The following ATRNL1 variants were observed in gnomAD, a reference collection of about 807,000 sequenced individuals.
ATRNL1 encodes the protein attractin like 1, also known as attractin-like protein 1.
Under a neutral mutation model 182.7 loss-of-function variants are expected in ATRNL1, and 95 were observed. The ratio of observed to expected loss-of-function variants is 0.52; its 90% CI spans 0.44 to 0.62. The LOEUF (loss-of-function observed/expected upper bound fraction) is 0.62. Ranked by LOEUF, ATRNL1 falls within the 20% of genes least tolerant of loss-of-function variation. The pLI is 0.00. For synonymous variants in ATRNL1, 576 were observed against 568.3 expected (o/e 1.01, Z -0.19); for missense variants, 1,471 against 1,679.5 (o/e 0.88, Z 2.17).
chr10:115,344,814 A>T (rs544876016), intron 19 of ATRNL1, among the ~76,000 whole-genome samples: 3 of 152,292 alleles, frequency 2.0e-5, no homozygotes, highest in African/African-American at 7.2e-5. Flanking sequence ...GCTGCTGGTT[A>T]TTCAGGACCC....
rs67676674 is a variant in ATRNL1, at chr10:115,868,822, C to CTTTTTTTTTTTTTTTTTTTTTTTTTTTT, written c.4018+20856_4018+20857insTTTTTTTTTTTTTTTTTTTTTTTTTTTT. Reference sequence around the variant, plus strand: ...ATATATCTGGTGGCAAGTCTTTATTCTTTTTTTTTTTTTTTTTTTTTTTTT... The same window carrying CTTTTTTTTTTTTTTTTTTTTTTTTTTTT: ...ATATATCTGGTGGCAAGTCTTTATTCTTTTTTTTTTTTTTTTTTTTTTTTTTTTTTTTTTTTTTTTTTTTTTTTTTTTT... On this transcript the variant is annotated intron_variant, in intron 28 of 28. Coordinates refer to ENST00000355044, the MANE Select transcript of ATRNL1 (RefSeq NM_207303.4). 1.7e-4 allele frequency among the ~76,000 whole-genome samples: 10 copies of CTTTTTTTTTTTTTTTTTTTTTTTTTTTT among 58,092 alleles called. 2 individuals carry two copies. The highest frequency in any genetic ancestry group is 1.3e-3 in the South Asian group (1 of 780). The allele number at this position is 58,092 out of a possible 152,430, so 38.1% of individuals were successfully genotyped here. A position where few individuals can be genotyped will look rare whatever the true frequency, so the allele number is the denominator to read the frequency against.
chr10:115,589,188 T>G (rs782172214), intron 26 of ATRNL1, among the ~76,000 whole-genome samples: 11 of 152,186 alleles, frequency 7.2e-5, no homozygotes, highest in Non-Finnish European at 1.0e-4. Flanking sequence ...CAGATATTTT[T>G]GAATATTATT....
At chr10:115,727,616 T>G (rs2134061006) in intron 27 of ATRNL1, among the ~76,000 whole-genome samples, 2 of 152,286 alleles carry the variant, frequency 1.3e-5, no homozygotes, top group South Asian at 4.1e-4. Flanking sequence ...ACAGAGGAGC[T>G]GAGGGAATTT....
At chr10:115,652,934 A>G (rs74158206) in intron 26 of ATRNL1, among the ~76,000 whole-genome samples, 78 of 152,264 alleles carry the variant, frequency 5.1e-4, no homozygotes, top group African/African-American at 1.9e-3. Flanking sequence ...TTACTAATTT[A>G]TGTATTGTAA....
intron 8 of ATRNL1, among the ~76,000 whole-genome samples, chr10:115,183,428 T>C (rs1324763995): frequency 6.6e-6 from 1 of 151,298 alleles, no homozygotes; most frequent in African/African-American, 2.4e-5. Context: ...AGATTAATTT[T>C]TTTGAAAAAA....
intron 21 of ATRNL1, among the ~76,000 whole-genome samples, chr10:115,431,819 T>A (rs1846180359): frequency 6.6e-6 from 1 of 152,234 alleles, no homozygotes; most frequent in Non-Finnish European, 1.5e-5. Flanking sequence ...ATATCCTGGA[T>A]TTATTTTATA....
chr10:115,805,129 G>A (rs1256826509), intron 27 of ATRNL1, among the ~76,000 whole-genome samples: 10 of 152,170 alleles, frequency 6.6e-5, no homozygotes, highest in South Asian at 4.2e-4. Flanking sequence ...CCTCCTAATC[G>A]TAGAAGAAGC....
At chr10:115,681,384 A>G (rs1288875997) in intron 26 of ATRNL1, among the ~76,000 whole-genome samples, 1 of 152,084 alleles carries the variant, frequency 6.6e-6, no homozygotes, top group Non-Finnish European at 1.5e-5. Context: ...TTTATTTCTC[A>G]TAATAATCCA....
intron 8 of ATRNL1, among the ~76,000 whole-genome samples, chr10:115,178,547 T>G (rs1271991465): frequency 6.6e-6 from 1 of 152,184 alleles, no homozygotes; most frequent in African/African-American, 2.4e-5. Context: ...CATGCTACAA[T>G]TTGAATATGT....
intron 15 of ATRNL1, among the ~76,000 whole-genome samples, chr10:115,287,959 A>G (rs1554919627): frequency 9.2e-6 from 1 of 108,944 alleles, no homozygotes; most frequent in Non-Finnish European, 1.8e-5. Flanking sequence ...GCTTCCACTT[A>G]TGAATGAGAA....
At position 115,549,453 on chromosome 10, in the gene ATRNL1, T is replaced by G; in HGVS notation, c.3717-5T>G. ...AGCAAAAATTATTTGTGTTTTATTT[T>G]CCAGTTGTTTCCTATCCTTATTGCT... On this transcript the variant is annotated splice_region_variant and splice_polypyrimidine_tract_variant and intron_variant, in intron 25 of 28. Coordinates refer to ENST00000355044, the MANE Select transcript of ATRNL1 (RefSeq NM_207303.4). The G allele has an allele frequency of 6.3e-7, 1 of 1,585,928 alleles. No homozygotes were observed. Among genetic ancestry groups the G allele is most frequent in the East Asian group, 2.3e-5 (1 of 43,770 alleles).
chr10:115,745,335 C>T (rs2907541), intron 27 of ATRNL1, among the ~76,000 whole-genome samples: 144,601 of 152,152 alleles, frequency 0.95, 69,126 homozygotes, highest in East Asian at 1. Flanking sequence ...TAAGTTTATT[C>T]CATTGTATAT....
At chr10:115,768,662 A>G (rs952054527) in intron 27 of ATRNL1, among the ~76,000 whole-genome samples, 1 of 152,170 alleles carries the variant, frequency 6.6e-6, no homozygotes, top group African/African-American at 2.4e-5. Context: ...TTTACCTGAC[A>G]TTGCCAAGTA....
chr10:115,461,140 G>A (rs1477819645), intron 21 of ATRNL1, among the ~76,000 whole-genome samples: 4 of 151,980 alleles, frequency 2.6e-5, no homozygotes, highest in African/African-American at 4.8e-5. Flanking sequence ...TAATGGTTAA[G>A]GGTATAATAT....
chr10:115,286,550 G>T (rs781869030), intron 15 of ATRNL1, among the ~76,000 whole-genome samples, 153 bp downstream of exon 15: 2 of 151,808 alleles, frequency 1.3e-5, no homozygotes, highest in Admixed American at 6.6e-5. Context: ...GACTTATTTT[G>T]TATAAGTAAT....
intron 8 of ATRNL1, among the ~76,000 whole-genome samples, chr10:115,171,608 C>T (rs562114133): frequency 6.6e-6 from 1 of 151,984 alleles, no homozygotes; most frequent in Non-Finnish European, 1.5e-5. Context: ...GAACGAAGTA[C>T]TGAAACTATC....
At chr10:115,869,516 T>G (rs1319132040) in intron 28 of ATRNL1, among the ~76,000 whole-genome samples, 1 of 152,144 alleles carries the variant, frequency 6.6e-6, no homozygotes. Flanking sequence ...TGTTGGGATA[T>G]TCCTTCTGGG....
Position 115,560,178 on chromosome 10 carries a change from G to A in ATRNL1, c.3795+10642G>A, listed in dbSNP as rs537305258. Reference sequence around the variant, plus strand: ...ATACACAGGAACAAACTTAACAAAAGCAGTAGAAAACATATGCTATGTGTA... The same window carrying A: ...ATACACAGGAACAAACTTAACAAAAACAGTAGAAAACATATGCTATGTGTA... On this transcript the variant is annotated intron_variant, in intron 26 of 28. Coordinates refer to ENST00000355044, the MANE Select transcript of ATRNL1 (RefSeq NM_207303.4). Among the ~76,000 whole-genome samples, 21 of 152,252 alleles carry A rather than the reference G, an allele frequency of 1.4e-4. 1 individual carries two copies. In the South Asian group the frequency reaches 4.4e-3, roughly 32 times the overall value.
At chr10:115,779,084 G>A (rs1445687947) in intron 27 of ATRNL1, among the ~76,000 whole-genome samples, 4 of 152,110 alleles carry the variant, frequency 2.6e-5, no homozygotes, top group African/African-American at 9.7e-5. Flanking sequence ...CCTGCACCCA[G>A]GGCAGATTGC....
Sources: gnomAD v4.1 joint callset for allele counts (sites outside exome capture counted in the v4.1 genomes callset) on GRCh38, gnomAD v4.1.1 for gene constraint, MANE v1.5 for transcripts, NCBI Gene and HGNC (gene_info 2026-07-23, HGNC 2026-07-21) for gene names.